RCOR1: variants seen among roughly 807,000 people sequenced by gnomAD.
RCOR1 encodes REST corepressor.
RCOR1 carries 12 observed loss-of-function variants against 64.0 expected under a neutral mutation model. That is an observed-to-expected ratio of 0.19 (90% CI 0.12 to 0.30). RCOR1 has a LOEUF of 0.30. RCOR1 is among the 10% of genes least tolerant of loss of function. The probability of loss-of-function intolerance (pLI) is 1.00; values close to 1 mark genes in which losing one functional copy is unlikely to be tolerated. For synonymous variants in RCOR1, 279 were observed against 227.2 expected (o/e 1.23, Z -2.05); for missense variants, 502 against 621.2 (o/e 0.81, Z 2.04).
intron 3 of RCOR1, among the ~76,000 whole-genome samples, chr14:102,699,878 A>G (rs1895721961): frequency 6.6e-6 from 1 of 152,004 alleles, no homozygotes; most frequent in Non-Finnish European, 1.5e-5. Flanking sequence ...GGGAAGAAAG[A>G]CTAGAATATC....
At chr14:102,645,780 G>A (rs112434366) in intron 2 of RCOR1, among the ~76,000 whole-genome samples, 80 of 152,280 alleles carry the variant, frequency 5.3e-4, no homozygotes, top group African/African-American at 1.8e-3. Flanking sequence ...GGCAATTGTG[G>A]CTCAGGTTCT....
At chr14:102,596,966 A>C (rs1447428769) in intron 2 of RCOR1, among the ~76,000 whole-genome samples, 1 of 146,804 alleles carries the variant, frequency 6.8e-6, no homozygotes, top group African/African-American at 2.5e-5. Flanking sequence ...TCCATCTCCC[A>C]GGTTCAAGTG....
intron 2 of RCOR1, among the ~76,000 whole-genome samples, chr14:102,610,874 A>G (rs1269412419): frequency 6.6e-6 from 1 of 151,732 alleles, no homozygotes; most frequent in East Asian, 2.0e-4. Flanking sequence ...GTTATTATTA[A>G]TTTTTATAAT....
At chr14:102,710,826 A>G in intron 6 of RCOR1, 109 bp from the exon 7 acceptor site, 2 of 726,128 alleles carry the variant, frequency 2.8e-6, no homozygotes, top group Non-Finnish European at 4.7e-6. Context: ...TCAGTTTATT[A>G]TTTATATTTG....
intron 2 of RCOR1, among the ~76,000 whole-genome samples, chr14:102,625,618 C>T (rs921963575): frequency 4.0e-5 from 6 of 151,852 alleles, no homozygotes; most frequent in African/African-American, 1.5e-4. Context: ...AATCCTCTTG[C>T]CTCAGCCCCT....
intron 2 of RCOR1, among the ~76,000 whole-genome samples, chr14:102,656,405 T>C (rs923437874): frequency 1.3e-5 from 2 of 151,992 alleles, no homozygotes; most frequent in African/African-American, 4.8e-5. Flanking sequence ...CCCTGAGTAT[T>C]GGGATTATAG....
At chr14:102,628,743 G>A (rs1297053431) in intron 2 of RCOR1, among the ~76,000 whole-genome samples, 2 of 152,164 alleles carry the variant, frequency 1.3e-5, no homozygotes, top group Admixed American at 6.5e-5. Context: ...TAGTAGAGAC[G>A]GTGTTCCACC....
At chr14:102,625,548 T>A (rs78512096) in intron 2 of RCOR1, among the ~76,000 whole-genome samples, 15 of 151,450 alleles carry the variant, frequency 9.9e-5, no homozygotes, top group African/African-American at 2.4e-4. Flanking sequence ...TTTTTTTTTT[T>A]AAATAGAGAC....
intron 11 of RCOR1, among the ~76,000 whole-genome samples, chr14:102,725,689 C>A (rs1348836069): frequency 6.6e-6 from 1 of 152,130 alleles, no homozygotes; most frequent in African/African-American, 2.4e-5. Flanking sequence ...GATTCTCGTG[C>A]CTCAGCCTCC....
intron 2 of RCOR1, among the ~76,000 whole-genome samples, chr14:102,613,882 A>ATTTT (rs1893689702): frequency 4.3e-5 from 4 of 92,396 alleles, no homozygotes; most frequent in African/African-American, 1.7e-4. Context: ...TGAATTAACT[A>ATTTT]TTCTTTTTTT....
intron 2 of RCOR1, 53 bp downstream of exon 2, chr14:102,593,378 C>G: frequency 6.9e-7 from 1 of 1,453,476 alleles, no homozygotes; most frequent in Non-Finnish European, 9.0e-7. Context: ...AGCCCCGGGT[C>G]CCCGGCGAGC....
intron 2 of RCOR1, among the ~76,000 whole-genome samples, chr14:102,659,657 T>G (rs555825405): frequency 2.6e-5 from 4 of 152,318 alleles, no homozygotes; most frequent in Admixed American, 2.6e-4. Flanking sequence ...CTTTAATAGT[T>G]TCTAGAGTTG....
chr14:102,697,464 GCATT>G (rs1895672447), intron 3 of RCOR1, among the ~76,000 whole-genome samples: 1 of 152,106 alleles, frequency 6.6e-6, no homozygotes, highest in African/African-American at 2.4e-5. Flanking sequence ...AGCACCCCAG[GCATT>G]CATTCAGCAA....
chr14:102,599,526 T>C (rs1171225418), intron 2 of RCOR1, among the ~76,000 whole-genome samples: 1 of 152,210 alleles, frequency 6.6e-6, no homozygotes, highest in Non-Finnish European at 1.5e-5. Context: ...ATTTTTGAGA[T>C]AGTGGCCCTT....
At chr14:102,707,821 G>A (rs912156476) in intron 5 of RCOR1, among the ~76,000 whole-genome samples, 31 of 146,058 alleles carry the variant, frequency 2.1e-4, no homozygotes, top group African/African-American at 6.6e-4. Flanking sequence ...ACGGAGTCTC[G>A]CTCTATCACC....
At chr14:102,602,374 T>TTTTTC (rs200568366) in intron 2 of RCOR1, among the ~76,000 whole-genome samples, 10 of 144,934 alleles carry the variant, frequency 6.9e-5, no homozygotes, top group Non-Finnish European at 1.0e-4. Flanking sequence ...TATTAGCATT[T>TTTTTC]TTTTCTTTTC....
At chr14:102,616,864 T>G (rs544097316) in intron 2 of RCOR1, among the ~76,000 whole-genome samples, 1 of 152,272 alleles carries the variant, frequency 6.6e-6, no homozygotes, top group African/African-American at 2.4e-5. Context: ...GGTGATGAAT[T>G]AAAAGTTCAG....
At chr14:102,708,679 G>A (rs1023208722) in intron 6 of RCOR1, 96 bp downstream of exon 6, 13 of 693,842 alleles carry the variant, frequency 1.9e-5, no homozygotes, top group East Asian at 7.8e-5. Context: ...TTTTCCCTCC[G>A]CGCCTTCCTG....
At position 102,592,929 on chromosome 14, in the gene RCOR1, C is replaced by T; in HGVS notation, c.43C>T (p.Arg15Trp). 1.6e-6 allele frequency: 2 copies of T among 1,237,836 alleles called. No individual in the cohort carries two copies. Among genetic ancestry groups the T allele is most frequent in the Non-Finnish European group, 2.0e-6 (2 of 982,194 alleles). The allele number at this position is 1,237,836 out of a possible 1,614,324, so 76.7% of individuals were successfully genotyped here. ...GAAGGGCCCCGAGGTCTCAGGGAAG[C>T]GGAGAGGGAGGAACAACGCGGCCGC... ...VEKGPEVSGK[R>W]RGRNNAAASA... The change falls in exon 1 of 12, where the codon CGG becomes TGG. Residue 15 changes from arginine (R) to tryptophan (W), a missense_variant. Transcript: ENST00000262241.
Sources: allele counts gnomAD v4.1 joint callset (sites outside exome capture counted in the v4.1 genomes callset), GRCh38; gene constraint gnomAD v4.1.1; transcripts MANE v1.5; gene names NCBI Gene and HGNC (gene_info 2026-07-23, HGNC 2026-07-21).